Variants in DPP6 observed in about 807,000 individuals in gnomAD.
The protein encoded by DPP6 is dipeptidyl peptidase like 6.
In DPP6, 69 loss-of-function variants were observed where a neutral mutation model predicts 122.6. The observed-to-expected ratio is 0.56, with a 90% CI of 0.46 to 0.69. The LOEUF is 0.69. Ranked by LOEUF, DPP6 falls within the 30% of genes least tolerant of loss-of-function variation. The pLI is 0.00. For synonymous variants in DPP6, 418 were observed against 433.1 expected (o/e 0.97, Z 0.43); for missense variants, 928 against 1,116.9 (o/e 0.83, Z 2.41).
chr7:154,170,008 G>A (rs2150726553), intron 1 of DPP6, among the ~76,000 whole-genome samples: 1 of 152,310 alleles, frequency 6.6e-6, no homozygotes, highest in African/African-American at 2.4e-5. Flanking sequence ...ACAGGCATGA[G>A]CCACTGCGCT....
intron 1 of DPP6, among the ~76,000 whole-genome samples, chr7:153,920,851 G>A (rs575133645): frequency 9.1e-4 from 139 of 152,052 alleles, no homozygotes; most frequent in African/African-American, 3.2e-3. Flanking sequence ...GAGCCACCGC[G>A]CCTGGCCCTT....
At position 154,807,002 on chromosome 7, in the gene DPP6, CG is replaced by C; in HGVS notation, c.1558del (p.Val520TrpfsTer43). ...GTCCTTTGCTCTTCCAGTGCCAACA[CG>C]GTGGGCAACTTCAACAGGCAGTGCC... ...PRRRQLYSAN[T>X]VGNFNRQCLS... is the part of the protein sequence containing the mutation. On this transcript the variant is annotated frameshift_variant, in exon 16 of 26. Transcript: ENST00000377770. LOFTEE classifies it high-confidence loss of function. 6.2e-7 allele frequency: 1 copy of C among 1,613,830 alleles called. No homozygotes were observed. The highest frequency in any genetic ancestry group is 8.5e-7 in the Non-Finnish European group (1 of 1,179,806).
chr7:154,241,293 C>T lies in DPP6; in HGVS notation c.243+188230C>T, dbSNP rs1263803652. 2.0e-5 allele frequency among the ~76,000 whole-genome samples: 3 copies of T among 148,550 alleles called. No homozygotes were observed. The highest frequency in any genetic ancestry group is 5.0e-5 in the African/African-American group (2 of 40,288). ...CAAACATATTCATAACTATGTTTTC[C>T]ATTAAAGTATGTTTTCCATTAAAAT... On this transcript the variant is annotated intron_variant, in intron 1 of 25. Coordinates refer to ENST00000377770, the MANE Select transcript of DPP6 (RefSeq NM_130797.4). This position sits in a 1 kb window ranked among gnomAD's most constrained non-coding sequence, Gnocchi z 9.0.
chr7:154,728,825 A>C (rs1462688612), intron 8 of DPP6, among the ~76,000 whole-genome samples: 1 of 152,090 alleles, frequency 6.6e-6, no homozygotes, highest in Non-Finnish European at 1.5e-5. Context: ...TGGTCTTTTT[A>C]TCTCTTTATA....
chr7:154,324,792 G>A (rs114710624), intron 1 of DPP6, among the ~76,000 whole-genome samples: 3,581 of 151,732 alleles, frequency 0.024, 131 homozygotes, highest in African/African-American at 0.08. Flanking sequence ...TATGTGGTCC[G>A]TCCTCACAAA....
At chr7:153,826,305 G>T in the DPP6 span, among the ~76,000 whole-genome samples, 1 of 152,296 alleles carries the variant, frequency 6.6e-6, no homozygotes, top group East Asian at 1.9e-4. Flanking sequence ...AAGACAACCT[G>T]CCCAACCAAA....
intron 1 of DPP6, among the ~76,000 whole-genome samples, chr7:154,063,136 G>A (rs1264311381): frequency 1.7e-5 from 2 of 116,564 alleles, no homozygotes; most frequent in African/African-American, 3.2e-5. Context: ...CACCCCCCAC[G>A]AGAGTGGGGA....
intron 3 of DPP6, among the ~76,000 whole-genome samples, chr7:154,495,972 C>A (rs1180333424): frequency 6.6e-6 from 1 of 152,174 alleles, no homozygotes; most frequent in African/African-American, 2.4e-5. Flanking sequence ...AAACAAACAC[C>A]TGCCAGAAAG....
At chr7:154,119,318 T>C (rs1300949452) in intron 1 of DPP6, among the ~76,000 whole-genome samples, 1 of 152,216 alleles carries the variant, frequency 6.6e-6, no homozygotes, top group Non-Finnish European at 1.5e-5. Context: ...GAATGAGTTC[T>C]GGTAGAAAGA....
intron 1 of DPP6, among the ~76,000 whole-genome samples, chr7:154,397,352 A>C (rs1815179750): frequency 6.6e-6 from 1 of 152,174 alleles, no homozygotes; most frequent in African/African-American, 2.4e-5. Flanking sequence ...TGGAAGAGAC[A>C]ATCTGCCTGA....
At chr7:154,136,716 A>G (rs1373183602) in intron 1 of DPP6, among the ~76,000 whole-genome samples, 1 of 152,234 alleles carries the variant, frequency 6.6e-6, no homozygotes. Flanking sequence ...GAAGATAAAG[A>G]ACACTAAAAT....
intron 5 of DPP6, among the ~76,000 whole-genome samples, chr7:154,603,106 C>T (rs1833468574): frequency 8.3e-6 from 1 of 120,054 alleles, no homozygotes; most frequent in African/African-American, 2.7e-5. Context: ...TATTACCATT[C>T]TCATCTTTTT....
intron 1 of DPP6, among the ~76,000 whole-genome samples, chr7:154,155,950 T>C (rs1427715897): frequency 3.3e-5 from 5 of 152,224 alleles, no homozygotes; most frequent in African/African-American, 1.2e-4. Context: ...GTGTCATCCT[T>C]AGACCTAAGG....
chr7:153,760,732 T>C, the DPP6 span, among the ~76,000 whole-genome samples: 1 of 152,124 alleles, frequency 6.6e-6, no homozygotes, highest in East Asian at 1.9e-4. Flanking sequence ...CATGAGATTG[T>C]TTGAGAGTGG....
At position 154,042,127 on chromosome 7, in the gene DPP6, A is replaced by C. The variant is rs555053777; in HGVS notation, c.51+154393A>C. Among the ~76,000 whole-genome samples the C allele has an allele frequency of 3.7e-3, 566 of 152,286 alleles. 1 individual carries two copies. Among genetic ancestry groups the C allele is most frequent in the African/African-American group, 0.013 (533 of 41,558 alleles). On this transcript the variant is annotated intron_variant, in intron 1 of 25. Transcript: ENST00000404039. ...TCCTCACACAACTATGTTCAAAGACAGAAAACAGGAGGAAGTGATGTTGGC... is the reference window on the plus strand; with the variant it reads ...TCCTCACACAACTATGTTCAAAGACCGAAAACAGGAGGAAGTGATGTTGGC...
At position 154,181,052 on chromosome 7, in the gene DPP6, T is replaced by C. The variant is rs564060114; in HGVS notation, c.243+127989T>C. Among the ~76,000 whole-genome samples, 16 of 152,326 alleles carry C rather than the reference T, an allele frequency of 1.1e-4. No homozygotes were observed. The South Asian group carries it at 3.3e-3, about 32-fold the overall frequency. ...GTACTGACTCCTGTAGCTATCTGTG[T>C]TGCTTAACTTGCGACTTCTCTTAAG... is the stretch of plus-strand genomic sequence containing the variant. On this transcript the variant is annotated intron_variant, in intron 1 of 25. Coordinates refer to ENST00000377770, the MANE Select transcript of DPP6 (RefSeq NM_130797.4).
chr7:154,885,456 G>A, intron 21 of DPP6, 177 bp from the exon 22 acceptor site: 1 of 795,396 alleles, frequency 1.3e-6, no homozygotes, highest in South Asian at 1.9e-5. Flanking sequence ...AGTTGGAAGG[G>A]AGTTTGCTTT....
At chr7:154,584,411 T>C (rs1563893516) in intron 5 of DPP6, among the ~76,000 whole-genome samples, 3 of 152,202 alleles carry the variant, frequency 2.0e-5, no homozygotes, top group Non-Finnish European at 4.4e-5. Flanking sequence ...GTTTTCCGAT[T>C]TCCTGCCTAT....
intron 7 of DPP6, among the ~76,000 whole-genome samples, chr7:154,711,714 C>T (rs146916065): frequency 6.6e-6 from 1 of 152,238 alleles, no homozygotes; most frequent in Non-Finnish European, 1.5e-5. Context: ...AAATACTGAG[C>T]TATGCAACAT....
Sources: gnomAD v4.1 joint callset for allele counts (sites outside exome capture counted in the v4.1 genomes callset) on GRCh38, gnomAD v4.1.1 for gene constraint, Gnocchi (gnomAD v3.1) non-coding constraint, MANE v1.5 for transcripts, NCBI Gene and HGNC (gene_info 2026-07-23, HGNC 2026-07-21) for gene names.